Variants in BACH2 observed in about 807,000 individuals in gnomAD.
The protein encoded by BACH2 is BACH transcriptional regulator 2, also known as transcription regulator protein BACH2.
Under a neutral mutation model 61.8 loss-of-function variants are expected in BACH2, and 5 were observed. The observed-to-expected ratio is 0.08, with a 90% CI of 0.04 to 0.17. BACH2 has a LOEUF of 0.17. Among genes scored for constraint, BACH2 ranks in the 10% least tolerant of loss-of-function variants. BACH2 has a pLI of 1.00. For synonymous variants in BACH2, 446 were observed against 440.1 expected (o/e 1.01, Z -0.17); for missense variants, 824 against 1,091.1 (o/e 0.76, Z 3.45).
rs554846759 is a variant in BACH2, at chr6:89,937,341, C to T, written c.2043+803G>A. The stretch of plus-strand genomic sequence containing the variant: ...GTACAAGACACGATTTGGAATCAGA[C>T]ACCTGGGTTTGCATTCAAGTTCTAC... On this transcript the variant is annotated intron_variant, in intron 8 of 8. Transcript: ENST00000257749. 2.0e-5 allele frequency among the ~76,000 whole-genome samples: 3 copies of T among 152,288 alleles called. No homozygotes were observed. The South Asian group carries it at 6.2e-4, about 32-fold the overall frequency.
intron 4 of BACH2, among the ~76,000 whole-genome samples, chr6:90,105,471 A>T (rs12202119): frequency 0.27 from 41,309 of 152,124 alleles, 6,909 homozygotes; most frequent in Non-Finnish European, 0.38. Context: ...TAGTTGAACA[A>T]CTTGGTGTAC....
chr6:90,181,573 T>G (rs1461015797), intron 4 of BACH2, among the ~76,000 whole-genome samples: 1 of 152,082 alleles, frequency 6.6e-6, no homozygotes, highest in East Asian at 1.9e-4. Context: ...TGTTTAAATT[T>G]TATTATTTTA....
intron 6 of BACH2, among the ~76,000 whole-genome samples, chr6:89,992,084 C>T (rs1194852314): frequency 1.3e-5 from 2 of 152,172 alleles, no homozygotes; most frequent in Non-Finnish European, 2.9e-5. Context: ...TACAGAGTCT[C>T]ACTCCTATCC....
chr6:90,234,139 T>G, intron 3 of BACH2, among the ~76,000 whole-genome samples: 1 of 152,190 alleles, frequency 6.6e-6, no homozygotes, highest in East Asian at 1.9e-4. Flanking sequence ...GAGCCGATGA[T>G]GTAGTTAAGT....
chr6:90,074,751 G>A (rs1474430987), intron 5 of BACH2, among the ~76,000 whole-genome samples: 1 of 152,102 alleles, frequency 6.6e-6, no homozygotes, highest in Non-Finnish European at 1.5e-5. Context: ...GATCATTAAT[G>A]GGAGATTCAG....
chr6:90,023,195 G>A (rs1778466504), intron 5 of BACH2, among the ~76,000 whole-genome samples: 1 of 152,156 alleles, frequency 6.6e-6, no homozygotes, highest in Admixed American at 6.5e-5. Context: ...CTGTTATGGA[G>A]TGATATGGTT....
intron 7 of BACH2, among the ~76,000 whole-genome samples, chr6:89,939,864 G>A (rs1367027573): frequency 1.1e-4 from 14 of 126,278 alleles, no homozygotes; most frequent in African/African-American, 3.9e-4. Context: ...GAGGTCTTGC[G>A]CCACAGAGAA....
chr6:90,296,459 G>A (rs1054922096), intron 1 of BACH2, 21 bp downstream of exon 1: 10 of 150,842 alleles, frequency 6.6e-5, no homozygotes, highest in Admixed American at 5.3e-4. Context: ...CGGGGCCCGG[G>A]GCCCGGGGCC....
chr6:90,050,299 T>A lies in BACH2; in HGVS notation c.-13+38662A>T, dbSNP rs142908003. Among the ~76,000 whole-genome samples the A allele has an allele frequency of 4.4e-3, 676 of 152,308 alleles. 3 individuals are homozygous for A. Among genetic ancestry groups the A allele is most frequent in the African/African-American group, 0.016 (656 of 41,564 alleles). ...AGTAATGAATTTTAATATAATGGAG[T>A]TTGAAAAGTTCATTGATATGGCTTT... On this transcript the variant is annotated intron_variant, in intron 5 of 8. Transcript: ENST00000257749.
chr6:90,151,477 CA>C (rs1295685685), intron 4 of BACH2, among the ~76,000 whole-genome samples: 16 of 152,060 alleles, frequency 1.1e-4, no homozygotes, highest in African/African-American at 3.9e-4. Context: ...TTTTTGTAGA[CA>C]CAGGGTCTCA....
At chr6:90,148,661 G>A (rs1189964906) in intron 4 of BACH2, among the ~76,000 whole-genome samples, 1 of 151,862 alleles carries the variant, frequency 6.6e-6, no homozygotes, top group Non-Finnish European at 1.5e-5. Flanking sequence ...CCAAAAAGTG[G>A]GAATGTAATG....
chr6:90,231,191 AAAGGGTTTAATTTCCCAAATTTTCATTAC>A (rs1459583544), intron 3 of BACH2, among the ~76,000 whole-genome samples: 3 of 152,192 alleles, frequency 2.0e-5, no homozygotes, highest in Non-Finnish European at 2.9e-5. Flanking sequence ...ACAATTATGA[AAAGGGTTTAATTTCCCAAATTTTCATTAC>A]ATACAACTGT....
In BACH2 at chr6:89,932,584, T is replaced by C; in HGVS notation, c.2350A>G (p.Ser784Gly). Reference protein sequence around the residue: ...AAPPGPPWAPSNTSENCTSGR... With the variant: ...AAPPGPPWAPGNTSENCTSGR... ...GAGGTACAATTCTCGGAGGTGTTGC[T>C]GGGTGCCCAGGGGGGTCCGGGGGGA... The change falls in exon 9 of 9, where the codon AGC becomes GGC. Residue 784 changes from serine (S) to glycine (G), a missense_variant. Physicochemically the swap from Ser to Gly is moderately conservative, Grantham distance 56. Transcript: ENST00000257749. 6.2e-7 allele frequency: 1 copy of C among 1,614,046 alleles called. No individual in the cohort carries two copies. The highest frequency in any genetic ancestry group is 8.5e-7 in the Non-Finnish European group (1 of 1,180,000).
intron 5 of BACH2, among the ~76,000 whole-genome samples, chr6:90,014,468 ATTT>A (rs1164045089): frequency 0.012 from 382 of 31,732 alleles, no homozygotes; most frequent in Non-Finnish European, 0.014. Context: ...ATATATATAT[ATTT>A]TTTTTTTTTT....
intron 6 of BACH2, among the ~76,000 whole-genome samples, chr6:89,974,680 A>C (rs1775556964): frequency 6.6e-6 from 1 of 152,212 alleles, no homozygotes; most frequent in Non-Finnish European, 1.5e-5. Flanking sequence ...CTCGCTAATA[A>C]ATCCTAACTT....
At chr6:89,966,800 G>A (rs1340135880) in intron 6 of BACH2, among the ~76,000 whole-genome samples, 2 of 152,212 alleles carry the variant, frequency 1.3e-5, no homozygotes, top group African/African-American at 4.8e-5. Flanking sequence ...CTGGGTGCAA[G>A]CCTTTGCTGG....
chr6:89,984,881 T>C (rs192290305), intron 6 of BACH2, among the ~76,000 whole-genome samples: 67 of 152,320 alleles, frequency 4.4e-4, no homozygotes, highest in Non-Finnish European at 6.8e-4. Context: ...CAATACATAT[T>C]AAGATAAACA....
intron 6 of BACH2, among the ~76,000 whole-genome samples, chr6:89,975,677 T>A (rs891362817): frequency 7.2e-5 from 11 of 152,352 alleles, no homozygotes; most frequent in Admixed American, 6.5e-4. Context: ...AGAGTTTACA[T>A]CATTTCTTGG....
Position 89,930,254 on chromosome 6 carries a change from T to A in BACH2, c.*2154A>T, listed in dbSNP as rs918624767. 3.0e-5 allele frequency: 4 copies of A among 135,576 alleles called. No homozygotes were observed. Among genetic ancestry groups the A allele is most frequent in the South Asian group, 2.2e-4 (1 of 4,558 alleles). 8.4% of individuals were successfully genotyped at this position (135,576 alleles called of 1,614,324 possible). On this transcript the variant is annotated 3_prime_UTR_variant, in exon 9 of 9. Coordinates refer to ENST00000257749, the MANE Select transcript of BACH2 (RefSeq NM_021813.4). Reference sequence around the variant, plus strand: ...TTTTTTTTTTTTTTTTTTTTTTTTTTATCCTACTGCATGAACTGACAAATT... The same window carrying A: ...TTTTTTTTTTTTTTTTTTTTTTTTTAATCCTACTGCATGAACTGACAAATT...
Sources: allele counts gnomAD v4.1 joint callset (sites outside exome capture counted in the v4.1 genomes callset), GRCh38; gene constraint gnomAD v4.1.1; transcripts MANE v1.5; gene names NCBI Gene and HGNC (gene_info 2026-07-23, HGNC 2026-07-21).